The following FIGNL2 variants were observed in gnomAD, a reference collection of about 807,000 sequenced individuals.
FIGNL2 encodes fidgetin-like protein 2.
For synonymous variants in FIGNL2, 565 were observed against 484.0 expected (o/e 1.17, Z -2.20); for missense variants, 1,060 against 950.2 (o/e 1.12, Z -1.52).
intron 1 of FIGNL2, chr12:51,848,106 T>G: frequency 3.1e-6 from 3 of 982,672 alleles, no homozygotes; most frequent in Non-Finnish European, 3.6e-6. Context: ...CAGGGGCCGC[T>G]GGACAAAGAC....
At chr12:51,829,785 AAAAG>A (rs1333705843) in intron 1 of FIGNL2, among the ~76,000 whole-genome samples, 11 of 151,442 alleles carry the variant, frequency 7.3e-5, no homozygotes, top group East Asian at 3.9e-4. Context: ...AAGAGAGGAA[AAAAG>A]AAGGAAGGAA....
chr12:51,820,867 G>C lies in FIGNL2; in HGVS notation c.1547C>G (p.Ala516Gly). 1 of 1,406,028 alleles carries C rather than the reference G, an allele frequency of 7.1e-7. No homozygotes were observed. The highest frequency in any genetic ancestry group is 9.2e-7 in the Non-Finnish European group (1 of 1,087,620). The allele number at this position is 1,406,028 out of a possible 1,614,324, so 87.1% of individuals were successfully genotyped here. Residue 516 changes from alanine (A) to glycine (G), a missense_variant, in exon 2 of 2, where the codon GCC becomes GGC. Physicochemically the swap from Ala to Gly is moderately conservative, Grantham distance 60. Coordinates refer to ENST00000618634, the MANE Select transcript of FIGNL2 (RefSeq NM_001384995.1). ...CGCGCCGCAGCCCCCGTCCAGGCAGGCCAGGAGCGGCACCTGCAGCGCGCC... is the reference window on the plus strand; with the variant it reads ...CGCGCCGCAGCCCCCGTCCAGGCAGCCCAGGAGCGGCACCTGCAGCGCGCC... The part of the protein sequence containing the change: ...AGGALQVPLL[A>G]CLDGGCGAGA...
At chr12:51,848,473 G>C in intron 1 of FIGNL2, 67 bp downstream of exon 1, 1 of 982,842 alleles carries the variant, frequency 1.0e-6, no homozygotes, top group Non-Finnish European at 1.2e-6. Flanking sequence ...GGCGGACAAA[G>C]CTCCGGACAC....
Position 51,821,253 on chromosome 12 carries a change from G to C in FIGNL2, c.1161C>G (p.Pro387=). ...CCGCCACATCCGCCCACTGCACCGG[G>C]GGCCCGCAGTCCACCATCTTGCTCG... ...LVTSKMVDCG[P]PVQWADVAGQ... is the part of the protein sequence containing the mutation. The change falls in exon 2 of 2, where the codon CCC becomes CCG. Residue 387 remains proline, a synonymous_variant. Coordinates refer to ENST00000618634, the MANE Select transcript of FIGNL2 (RefSeq NM_001384995.1). The C allele has an allele frequency of 6.6e-7, 1 of 1,525,866 alleles. No homozygotes were observed. Among genetic ancestry groups the C allele is most frequent in the Non-Finnish European group, 8.8e-7 (1 of 1,142,532 alleles). 94.5% of individuals were successfully genotyped at this position (1,525,866 alleles called of 1,614,324 possible).
At chr12:51,842,651 C>T (rs923656069) in intron 1 of FIGNL2, among the ~76,000 whole-genome samples, 1 of 152,130 alleles carries the variant, frequency 6.6e-6, no homozygotes, top group African/African-American at 2.4e-5. Context: ...TGCCCACCGA[C>T]ACAGCCTCCC....
In FIGNL2 at chr12:51,819,333, G is replaced by A. The variant is rs1298531551; in HGVS notation, c.*1119C>T. The A allele has an allele frequency of 1.3e-5, 2 of 152,732 alleles. No homozygotes were observed. The highest frequency in any genetic ancestry group is 3.9e-4 in the East Asian group (2 of 5,184). The allele number at this position is 152,732 out of a possible 1,614,324, so 9.5% of individuals were successfully genotyped here. A position where few individuals can be genotyped will look rare whatever the true frequency, so the allele number is the denominator to read the frequency against. On this transcript the variant is annotated 3_prime_UTR_variant, in exon 2 of 2. Coordinates refer to ENST00000618634, the MANE Select transcript of FIGNL2 (RefSeq NM_001384995.1). ...GGGCAGGGGGTGGGGAGCAGCAGGA[G>A]AGGAATAAGGCCTCCCTTCTCTCAA...
At chr12:51,844,377 C>T (rs939331337) in intron 1 of FIGNL2, among the ~76,000 whole-genome samples, 18 of 152,204 alleles carry the variant, frequency 1.2e-4, no homozygotes, top group African/African-American at 4.1e-4. Flanking sequence ...CTGACACTGT[C>T]CATACCTCGG....
chr12:51,847,245 G>A, intron 1 of FIGNL2: 1 of 985,410 alleles, frequency 1.0e-6, no homozygotes, highest in Non-Finnish European at 1.2e-6. Flanking sequence ...CCTCTGCAGG[G>A]TCAGAGGGTT....
chr12:51,847,658 T>A, intron 1 of FIGNL2: 1 of 985,150 alleles, frequency 1.0e-6, no homozygotes, highest in South Asian at 4.7e-5. Flanking sequence ...TTCCCAGGCC[T>A]CCTCCTCTGG....
chr12:51,829,118 G>A (rs1186657167), intron 1 of FIGNL2, among the ~76,000 whole-genome samples: 7 of 152,258 alleles, frequency 4.6e-5, no homozygotes, highest in African/African-American at 1.4e-4. Flanking sequence ...TGGAGAAGGG[G>A]CCATGCCTCT....
intron 1 of FIGNL2, among the ~76,000 whole-genome samples, chr12:51,827,698 G>T (rs1450311349): frequency 6.6e-6 from 1 of 152,248 alleles, no homozygotes; most frequent in East Asian, 1.9e-4. Context: ...TCTCTTTGGG[G>T]CTGGGGAAAC....
rs750863980 is a variant in FIGNL2, at chr12:51,826,868, G to T, written c.-11-4444C>A. ...ACAGGCCCAGAACGATGTCTCACGT[G>T]AGTCTGAATACACACCAACATGTAT... On this transcript the variant is annotated intron_variant, in intron 1 of 1. Transcript: ENST00000618634. 9.9e-5 allele frequency among the ~76,000 whole-genome samples: 15 copies of T among 151,456 alleles called. 1 individual carries two copies. Among genetic ancestry groups the T allele is most frequent in the Non-Finnish European group, 2.1e-4 (14 of 68,040 alleles).
Position 51,822,027 on chromosome 12 carries a change from C to A in FIGNL2, c.387G>T (p.Leu129=). Reference sequence around the variant, plus strand: ...TCCCGGCTAAAACTGGGGAGCCCCCCAGGGCCCCGGAACCGCCGCCACCGC... The same window carrying A: ...TCCCGGCTAAAACTGGGGAGCCCCCAAGGGCCCCGGAACCGCCGCCACCGC... The part of the protein sequence containing the change: ...KSGGGGGSGA[L]GGSPVLAGNL... The change falls in exon 2 of 2, where the codon CTG becomes CTT. Residue 129 remains leucine, a synonymous_variant. Coordinates refer to ENST00000618634, the MANE Select transcript of FIGNL2 (RefSeq NM_001384995.1). The A allele has an allele frequency of 6.2e-7, 1 of 1,604,054 alleles. No homozygotes were observed. Among genetic ancestry groups the A allele is most frequent in the Non-Finnish European group, 8.5e-7 (1 of 1,176,092 alleles).
At position 51,821,229 on chromosome 12, in the gene FIGNL2, C is replaced by G. The variant is rs570425958; in HGVS notation, c.1185G>C (p.Ala395=). 2 of 1,524,114 alleles carry G rather than the reference C, an allele frequency of 1.3e-6. No individual in the cohort carries two copies. The highest frequency in any genetic ancestry group is 2.4e-5 in the South Asian group (2 of 83,252). 94.4% of individuals were successfully genotyped at this position (1,524,114 alleles called of 1,614,324 possible). ...GCGCCGCCTTGAGCGCGCCCTGGCC[C>G]GCCACATCCGCCCACTGCACCGGGG... ...CGPPVQWADV[A]GQGALKAALE... is the part of the protein sequence containing the mutation. Residue 395 remains alanine, a synonymous_variant, in exon 2 of 2, where the codon GCG becomes GCC. Transcript: ENST00000618634.
Position 51,821,056 on chromosome 12 carries a change from A to AGTT in FIGNL2, c.1357_1358insAAC (p.Thr452_Leu453insGln). 1.6e-6 allele frequency: 2 copies of AGTT among 1,226,440 alleles called. No individual in the cohort carries two copies. The highest frequency in any genetic ancestry group is 2.0e-6 in the Non-Finnish European group (2 of 986,166). The allele number at this position is 1,226,440 out of a possible 1,614,324, so 76.0% of individuals were successfully genotyped here. On this transcript the variant is annotated inframe_insertion, in exon 2 of 2. Coordinates refer to ENST00000618634, the MANE Select transcript of FIGNL2 (RefSeq NM_001384995.1). ...CAGGGTCGCGCCGCGCAGGCGCAAC[A>AGTT]GCGTGGCGCCCAGCTGCGTGGCGAG...
intron 1 of FIGNL2, among the ~76,000 whole-genome samples, chr12:51,829,339 C>G (rs1056696231): frequency 2.1e-4 from 32 of 152,218 alleles, no homozygotes; most frequent in African/African-American, 6.8e-4. Context: ...GACTGTGCCC[C>G]CTCCTCTAGG....
chr12:51,829,399 G>A (rs930469383), intron 1 of FIGNL2, among the ~76,000 whole-genome samples: 3 of 152,198 alleles, frequency 2.0e-5, no homozygotes, highest in African/African-American at 7.2e-5. Context: ...AGAGGAGAGG[G>A]AGGGGTAACA....
intron 1 of FIGNL2, chr12:51,845,524 G>A (rs1286495413): frequency 2.0e-6 from 2 of 985,328 alleles, no homozygotes; most frequent in Non-Finnish European, 2.4e-6. Context: ...AGGGGCACTG[G>A]GGCCTGGAGT....
chr12:51,836,060 C>T (rs1001059483), intron 1 of FIGNL2, among the ~76,000 whole-genome samples: 6 of 152,164 alleles, frequency 3.9e-5, no homozygotes, highest in Non-Finnish European at 8.8e-5. Context: ...ATCCACCCAC[C>T]TCAGCCTCCC....
Sources: allele counts gnomAD v4.1 joint callset (sites outside exome capture counted in the v4.1 genomes callset), GRCh38; gene constraint gnomAD v4.1.1; transcripts MANE v1.5; gene names NCBI Gene and HGNC (gene_info 2026-07-23, HGNC 2026-07-21).